The following RSL1D1 variants were observed in gnomAD, a reference collection of about 807,000 sequenced individuals.
RSL1D1 encodes the protein ribosomal L1 domain-containing protein 1.
RSL1D1 carries 34 observed loss-of-function variants against 44.6 expected under a neutral mutation model. That is an observed-to-expected ratio of 0.76 (90% confidence interval 0.58 to 1.02). The LOEUF (loss-of-function observed/expected upper bound fraction) is 1.02. Among genes scored for constraint, RSL1D1 ranks in the 50% least tolerant of loss-of-function variants. The probability of loss-of-function intolerance (pLI) is 0.00; values close to 1 mark genes in which losing one functional copy is unlikely to be tolerated. For synonymous variants in RSL1D1, 271 were observed against 207.4 expected, an observed-to-expected ratio of 1.31 and a Z score of -2.63; for missense variants, 767 against 568.1, an observed-to-expected ratio of 1.35 and a Z score of -3.56.
rs954415888 is a variant in RSL1D1 at position 11,834,332 on chromosome 16, A to G, written c.*3455T>C. ...ATGTGTCAACACTTTATTATAAGATAGGTTTTATGTTAGATGATAACACCA... is the reference window on the plus strand; with the variant it reads ...ATGTGTCAACACTTTATTATAAGATGGGTTTTATGTTAGATGATAACACCA... On this transcript the variant is annotated 3_prime_UTR_variant, in exon 9 of 9. Coordinates refer to ENST00000571133, the MANE Select transcript of RSL1D1 (RefSeq NM_015659.3). 2.6e-5 allele frequency: 4 copies of G among 151,884 alleles called. No homozygotes were observed. The highest frequency in any genetic ancestry group is 4.4e-5 in the Non-Finnish European group (3 of 68,044). 9.4% of individuals were successfully genotyped at this position (151,884 alleles called of 1,614,324 possible).
At chr16:11,850,632 C>A (rs898794967) in intron 1 of RSL1D1, among the ~76,000 whole-genome samples, 2 of 152,120 alleles carry the variant, frequency 1.3e-5, no homozygotes, top group Non-Finnish European at 2.9e-5. Flanking sequence ...TCAAACATGC[C>A]TAAGTACCCA....
intron 7 of RSL1D1, chr16:11,841,351 T>C (rs919992685): frequency 3.2e-5 from 6 of 188,884 alleles, no homozygotes; most frequent in African/African-American, 1.4e-4. Flanking sequence ...AAGGCTGCCG[T>C]GAGCCTTGAT....
chr16:11,851,468 A>C lies in RSL1D1; in HGVS notation c.45T>G (p.Thr15=), dbSNP rs772374073. The change falls in exon 1 of 9, where the codon ACT becomes ACG. Residue 15 remains threonine (T), a synonymous_variant. Coordinates refer to ENST00000571133, the MANE Select transcript of RSL1D1 (RefSeq NM_015659.3). The part of the protein sequence containing the change: ...ASASLSSAAA[T]GTSTSTPAAP... ...CCGCTGGAGTCGAGGTGGAGGTTCC[A>C]GTAGCGGCTGCAGAAGACAGCGAGG... 6.2e-7 allele frequency: 1 copy of C among 1,613,948 alleles called. No individual in the cohort carries two copies. The highest frequency in any genetic ancestry group is 8.5e-7 in the Non-Finnish European group (1 of 1,179,994).
At position 11,850,423 on chromosome 16, in the gene RSL1D1, A is replaced by G. The variant is rs773311038; in HGVS notation, c.106-5T>C. On this transcript the variant is annotated splice_region_variant and splice_polypyrimidine_tract_variant and intron_variant, in intron 1 of 8. Transcript: ENST00000571133. ...AGCGTCCACTGCCTTTCTAACCTGCAAAGTGGAAATTAGACAAATAAGTGA... is the reference window on the plus strand; with the variant it reads ...AGCGTCCACTGCCTTTCTAACCTGCGAAGTGGAAATTAGACAAATAAGTGA... The G allele has an allele frequency of 1.8e-4, 286 of 1,591,002 alleles. 1 individual carries two copies. In the South Asian group the frequency reaches 2.6e-3, roughly 15 times the overall value.
intron 2 of RSL1D1, 54 bp from the exon 3 acceptor site, chr16:11,847,860 T>C (rs902473152): frequency 6.5e-7 from 1 of 1,546,828 alleles, no homozygotes; most frequent in Non-Finnish European, 8.9e-7. Context: ...ACATTATGCA[T>C]GTTTGTATCA....
intron 7 of RSL1D1, 142 bp from the exon 8 acceptor site, chr16:11,840,127 A>T: frequency 2.2e-5 from 29 of 1,334,506 alleles, no homozygotes; most frequent in Non-Finnish European, 2.9e-5. Flanking sequence ...CTCCCTAACC[A>T]GCACTGGAAC....
chr16:11,837,756 T>C lies in RSL1D1; in HGVS notation c.*31A>G, dbSNP rs753731783. The C allele has an allele frequency of 6.1e-5, 95 of 1,557,896 alleles. No homozygotes were observed. In the South Asian group the frequency reaches 7.7e-4, roughly 13 times the overall value. ...TTTCCAAAAAGCTCTGGAGGCAGCA[T>C]TGAGGTTTCCTTCCAGTTGAATCAC... On this transcript the variant is annotated 3_prime_UTR_variant, in exon 9 of 9. Transcript: ENST00000571133.
chr16:11,847,739 A>G lies in RSL1D1; in HGVS notation c.313T>C (p.Ser105Pro). ...ICLFTKDEPN[S>P]TPEKTEQFYR... is the part of the protein sequence containing the mutation. ...AACTGTTCTGTCTTTTCAGGAGTTG[A>G]ATTGGGTTCATCCTTCGTAAATAAA... Residue 105 changes from serine to proline, a missense_variant, in exon 3 of 9, where the codon TCA (serine) becomes CCA (proline). By Grantham distance (74) the Ser-to-Pro change is moderately conservative (BLOSUM62 -1). Transcript: ENST00000571133. The G allele has an allele frequency of 6.2e-7, 1 of 1,612,932 alleles. No homozygotes were observed.
intron 1 of RSL1D1, among the ~76,000 whole-genome samples, chr16:11,850,636 G>A (rs994563211): frequency 6.6e-6 from 1 of 152,166 alleles, no homozygotes; most frequent in South Asian, 2.1e-4. Flanking sequence ...ACATGCCTAA[G>A]TACCCACTTC....
At chr16:11,847,502 A>C (rs2053807344) in intron 3 of RSL1D1, 166 bp downstream of exon 3, 6 of 602,854 alleles carry the variant, frequency 1.0e-5, no homozygotes, top group Non-Finnish European at 1.7e-5. Context: ...CACCTCTTTT[A>C]TAATTTGCAA....
At chr16:11,839,609 T>C in intron 8 of RSL1D1, 86 bp downstream of exon 8, 21 of 1,526,364 alleles carry the variant, frequency 1.4e-5, no homozygotes, top group Non-Finnish European at 1.8e-5. Flanking sequence ...CTAGTATTTT[T>C]CATCATTTAT....
chr16:11,841,812 C>T lies in RSL1D1; in HGVS notation c.738G>A (p.Glu246=). 6.2e-7 allele frequency: 1 copy of T among 1,613,302 alleles called. No homozygotes were observed. Residue 246 remains glutamate, a synonymous_variant, in exon 7 of 9, where the codon GAG becomes GAA. Transcript: ENST00000571133. ...GLSEKLPEKW[E]SVKLLFVKTE... ...TTTTCACAAACAGGAGTTTCACGCT[C>T]TCCCACTTCTGAAACAAAGAAAAGA... is the stretch of plus-strand genomic sequence containing the variant.
chr16:11,841,640 G>T, intron 7 of RSL1D1, 55 bp downstream of exon 7: 1 of 1,516,004 alleles, frequency 6.6e-7, no homozygotes, highest in Non-Finnish European at 9.0e-7. Context: ...CTCTCCTAGT[G>T]ACTGAATTTA....
chr16:11,841,810 C>T lies in RSL1D1; in HGVS notation c.740G>A (p.Ser247Asn), dbSNP rs1474337585. The T allele has an allele frequency of 1.2e-6, 2 of 1,613,518 alleles. No individual in the cohort carries two copies. Among genetic ancestry groups the T allele is most frequent in the Non-Finnish European group, 1.7e-6 (2 of 1,179,904 alleles). Residue 247 changes from serine (S) to asparagine (N), a missense_variant, in exon 7 of 9, where the codon AGC becomes AAC. Transcript: ENST00000571133. ...LSEKLPEKWE[S>N]VKLLFVKTEK... is the part of the protein sequence containing the mutation. ...AGTTTTCACAAACAGGAGTTTCACGCTCTCCCACTTCTGAAACAAAGAAAA... is the reference window on the plus strand; with the variant it reads ...AGTTTTCACAAACAGGAGTTTCACGTTCTCCCACTTCTGAAACAAAGAAAA...
intron 2 of RSL1D1, chr16:11,849,162 G>T (rs767515175): frequency 6.6e-6 from 1 of 152,212 alleles, no homozygotes; most frequent in African/African-American, 2.4e-5. Context: ...TGAGAGGGAG[G>T]ACTGCTTGAG....
chr16:11,841,700 T>G lies in RSL1D1; in HGVS notation c.850A>C (p.Lys284Gln). The G allele has an allele frequency of 6.2e-7, 1 of 1,610,494 alleles. No homozygotes were observed. The highest frequency in any genetic ancestry group is 8.5e-7 in the Non-Finnish European group (1 of 1,178,942). The change falls in exon 7 of 9, where the codon AAA (lysine) becomes CAA (glutamine). Residue 284 changes from lysine (K) to glutamine (Q), a missense_variant. Transcript: ENST00000571133. ...GTATTTAAAATTCTACTAACTTTTTTCTTCTTATTAAGCAAAGATCTTTTG... is the reference window on the plus strand; with the variant it reads ...GTATTTAAAATTCTACTAACTTTTTGCTTCTTATTAAGCAAAGATCTTTTG... Reference protein sequence around the residue: ...ATKRSLLNKKKKEARRKRRER... With the variant: ...ATKRSLLNKKQKEARRKRRER...
At position 11,837,642 on chromosome 16, in the gene RSL1D1, C is replaced by T; in HGVS notation, c.*145G>A. ...TGGGATTACAGGCGTGAGCCACCGC[C>T]CCTGGACTACTTATGGAGGTTTTAA... On this transcript the variant is annotated 3_prime_UTR_variant, in exon 9 of 9. Transcript: ENST00000571133. 1 of 747,060 alleles carries T rather than the reference C, an allele frequency of 1.3e-6. No individual in the cohort carries two copies. Among genetic ancestry groups the T allele is most frequent in the South Asian group, 1.9e-5 (1 of 53,210 alleles). The allele number at this position is 747,060 out of a possible 1,614,324, so 46.3% of individuals were successfully genotyped here. A position where few individuals can be genotyped will look rare whatever the true frequency, so the allele number is the denominator to read the frequency against.
chr16:11,840,436 C>T (rs115707112), intron 7 of RSL1D1, among the ~76,000 whole-genome samples: 1 of 152,026 alleles, frequency 6.6e-6, no homozygotes, highest in Non-Finnish European at 1.5e-5. Context: ...CATGGTGATA[C>T]GTGCCTGTAG....
chr16:11,847,881 G>C, intron 2 of RSL1D1, 75 bp from the exon 3 acceptor site: 1 of 1,412,010 alleles, frequency 7.1e-7, no homozygotes, highest in South Asian at 1.2e-5. Flanking sequence ...CACAGAATAC[G>C]CGATAAACTT....
Sources: gnomAD v4.1 joint callset for allele counts (sites outside exome capture counted in the v4.1 genomes callset) on GRCh38, gnomAD v4.1.1 for gene constraint, MANE v1.5 for transcripts, NCBI Gene and HGNC (gene_info 2026-07-23, HGNC 2026-07-21) for gene names.